ACBD3: variants seen among roughly 807,000 people sequenced by gnomAD.
ACBD3 encodes Golgi resident protein GCP60.
In ACBD3, 30 loss-of-function variants were observed where a neutral mutation model predicts 66.9. The observed-to-expected ratio is 0.45, with a 90% CI of 0.34 to 0.61. The LOEUF (loss-of-function observed/expected upper bound fraction) is 0.61, where lower values mean the gene tolerates loss of function less well. Ranked by LOEUF, ACBD3 falls within the 20% of genes least tolerant of loss-of-function variation. ACBD3 has a pLI of 0.02. For missense variants in ACBD3, 544 were observed against 664.5 expected (o/e 0.82, Z 1.99); for synonymous variants, 278 against 259.8 (o/e 1.07, Z -0.68).
chr1:226,182,403 G>A (rs1656191540), intron 1 of ACBD3, among the ~76,000 whole-genome samples: 1 of 151,960 alleles, frequency 6.6e-6, no homozygotes, highest in Admixed American at 6.6e-5. Flanking sequence ...GATCATTTGG[G>A]GTCAGTCCAA....
intron 1 of ACBD3, among the ~76,000 whole-genome samples, chr1:226,181,988 T>A (rs1213502732): frequency 6.6e-6 from 1 of 152,126 alleles, no homozygotes; most frequent in Non-Finnish European, 1.5e-5. Flanking sequence ...CCCAGCACTT[T>A]GAGAGGCCAA....
At chr1:226,177,195 T>C (rs1225101030) in intron 1 of ACBD3, among the ~76,000 whole-genome samples, 3 of 150,390 alleles carry the variant, frequency 2.0e-5, no homozygotes, top group African/African-American at 7.3e-5. Context: ...AGACGGAGTC[T>C]TGCTTTTGTC....
chr1:226,176,429 C>CAA (rs34313392), intron 1 of ACBD3, among the ~76,000 whole-genome samples: 3,428 of 82,804 alleles, frequency 0.041, 309 homozygotes, highest in African/African-American at 0.15. Flanking sequence ...GACTCCGTCT[C>CAA]AAAAAAAAAA....
At position 226,170,868 on chromosome 1, in the gene ACBD3, C is replaced by T. The variant is rs544123792; in HGVS notation, c.287-4868G>A. On this transcript the variant is annotated intron_variant, in intron 1 of 7. Transcript: ENST00000366812. ...GATCACAGCTCACTGCAGCCTTGAA[C>T]TCCTGGGCTCAAGGGATTCTCCCAC... Among the ~76,000 whole-genome samples the T allele has an allele frequency of 2.6e-5, 4 of 152,214 alleles. No homozygotes were observed. The South Asian group carries it at 8.3e-4, about 32-fold the overall frequency.
chr1:226,173,413 A>G (rs1034509733), intron 1 of ACBD3, among the ~76,000 whole-genome samples: 3 of 152,194 alleles, frequency 2.0e-5, no homozygotes, highest in South Asian at 4.1e-4. Context: ...ACACACATAC[A>G]CATTATCTTT....
intron 5 of ACBD3, among the ~76,000 whole-genome samples, chr1:226,156,335 G>C (rs573323048): frequency 6.6e-6 from 1 of 152,234 alleles, no homozygotes; most frequent in East Asian, 1.9e-4. Flanking sequence ...TACATCTATA[G>C]AGTCACAAGT....
At chr1:226,168,200 A>T (rs890193153) in intron 1 of ACBD3, among the ~76,000 whole-genome samples, 1 of 152,250 alleles carries the variant, frequency 6.6e-6, no homozygotes, top group Admixed American at 6.5e-5. Context: ...ATATACAACA[A>T]CAAGTTATGT....
intron 3 of ACBD3, 106 bp from the exon 4 acceptor site, chr1:226,161,795 G>C (rs2102780669): frequency 7.7e-7 from 1 of 1,293,442 alleles, no homozygotes; most frequent in East Asian, 2.6e-5. Context: ...GAACAATGTG[G>C]ATATATACAT....
At chr1:226,162,593 G>A (rs1036257515) in intron 3 of ACBD3, among the ~76,000 whole-genome samples, 5 of 152,062 alleles carry the variant, frequency 3.3e-5, no homozygotes, top group Non-Finnish European at 5.9e-5. Context: ...GACATCTTCC[G>A]GGTCTGAGAG....
chr1:226,168,707 G>C (rs1659919468), intron 1 of ACBD3, among the ~76,000 whole-genome samples: 1 of 152,170 alleles, frequency 6.6e-6, no homozygotes, highest in South Asian at 2.1e-4. Context: ...AACCTACTGT[G>C]CTGCCAGCTG....
rs1659809012 is a variant in ACBD3, at chr1:226,163,490, T to C, written c.569+1299A>G. ...CTTTTCTCATAAGAATCAAAACCTT[T>C]CCTTTAGATTAAAAAAAAAAATTTC... is the stretch of plus-strand genomic sequence containing the variant. On this transcript the variant is annotated intron_variant, in intron 3 of 7. Coordinates refer to ENST00000366812, the MANE Select transcript of ACBD3 (RefSeq NM_022735.4). Among the ~76,000 whole-genome samples the C allele has an allele frequency of 2.0e-5, 3 of 152,152 alleles. No homozygotes were observed. The South Asian group carries it at 6.2e-4, about 32-fold the overall frequency.
chr1:226,147,331 C>T (rs1023167632), intron 7 of ACBD3, among the ~76,000 whole-genome samples: 1 of 152,280 alleles, frequency 6.6e-6, no homozygotes, highest in Admixed American at 6.5e-5. Context: ...TGCTATACAC[C>T]AAACCCTGTT....
Position 226,145,183 on chromosome 1 carries a change from C to A in ACBD3, c.*1427G>T, listed in dbSNP as rs952802672. On this transcript the variant is annotated 3_prime_UTR_variant, in exon 8 of 8. Transcript: ENST00000366812. ...AAAAAAAAATCCAGTTTCTGAACAA[C>A]CAAAAGAGAACAGAGTTAGATATGT... 2 of 152,102 alleles carry A rather than the reference C, an allele frequency of 1.3e-5. No homozygotes were observed. Among genetic ancestry groups the A allele is most frequent in the African/African-American group, 2.4e-5 (1 of 41,268 alleles). The allele number at this position is 152,102 out of a possible 1,614,324, so 9.4% of individuals were successfully genotyped here.
intron 5 of ACBD3, among the ~76,000 whole-genome samples, chr1:226,157,468 A>G (rs932459581): frequency 6.6e-6 from 1 of 152,030 alleles, no homozygotes; most frequent in Non-Finnish European, 1.5e-5. Flanking sequence ...CGAACTCCCA[A>G]CCTCAAGTGA....
chr1:226,180,719 C>A (rs1656151398), intron 1 of ACBD3, among the ~76,000 whole-genome samples: 1 of 152,186 alleles, frequency 6.6e-6, no homozygotes, highest in African/African-American at 2.4e-5. Context: ...CATATACACA[C>A]TGGGCACAGT....
intron 1 of ACBD3, among the ~76,000 whole-genome samples, chr1:226,183,883 T>TAAAA (rs56294022): frequency 2.7e-5 from 2 of 72,764 alleles, no homozygotes. Context: ...AAACTCTGCC[T>TAAAA]AAAAAAAAAA....
intron 1 of ACBD3, among the ~76,000 whole-genome samples, chr1:226,175,088 T>A (rs1358134159): frequency 1.3e-5 from 1 of 74,176 alleles, no homozygotes; most frequent in Admixed American, 2.1e-4. Flanking sequence ...TGAGACTCCA[T>A]CTCAAAAAAA....
intron 3 of ACBD3, among the ~76,000 whole-genome samples, chr1:226,164,124 A>C (rs985138515): frequency 7.1e-6 from 1 of 140,840 alleles, no homozygotes; most frequent in Non-Finnish European, 1.6e-5. Flanking sequence ...CTTAAAAAAA[A>C]AAAAAAAAAA....
intron 4 of ACBD3, among the ~76,000 whole-genome samples, chr1:226,160,466 A>G (rs749238548): frequency 2.6e-5 from 4 of 152,126 alleles, no homozygotes; most frequent in African/African-American, 4.8e-5. Context: ...ATAGATAACA[A>G]AGCAAAGCCT....
Sources: allele counts gnomAD v4.1 joint callset (sites outside exome capture counted in the v4.1 genomes callset), GRCh38; gene constraint gnomAD v4.1.1; transcripts MANE v1.5; gene names NCBI Gene and HGNC (gene_info 2026-07-23, HGNC 2026-07-21).